The following GRTP1 variants were observed in gnomAD, a reference collection of about 807,000 sequenced individuals.
The protein encoded by GRTP1 is growth hormone-regulated TBC protein 1.
Under a neutral mutation model 38.1 loss-of-function variants are expected in GRTP1, and 56 were observed. The observed-to-expected ratio is 1.47, with a 90% CI of 1.19 to 1.84. GRTP1 has a LOEUF of 1.84. Ranked by LOEUF, GRTP1 falls within the 40% of genes most tolerant of loss-of-function variation. The pLI is 0.00. For synonymous variants in GRTP1, 217 were observed against 189.5 expected (o/e 1.14, Z -1.19); for missense variants, 506 against 453.9 (o/e 1.11, Z -1.04).
chr13:113,339,766 T>TCTTGG (rs1460427793), intron 5 of GRTP1: 2 of 152,370 alleles, frequency 1.3e-5, no homozygotes, highest in East Asian at 3.9e-4. Context: ...TTTCAAGCCT[T>TCTTGG]CTTGGCTTGG....
chr13:113,329,590 TAAAAAATAAA>T (rs934362900), intron 5 of GRTP1, among the ~76,000 whole-genome samples: 8 of 151,622 alleles, frequency 5.3e-5, no homozygotes, highest in Admixed American at 4.6e-4. Flanking sequence ...TCTCAAAAAA[TAAAAAATAAA>T]AATAAAAATA....
intron 5 of GRTP1, among the ~76,000 whole-genome samples, chr13:113,337,582 TC>T (rs1488189880): frequency 8.5e-5 from 13 of 152,358 alleles, no homozygotes; most frequent in Middle Eastern, 3.4e-3. Context: ...CAGCGTGCTT[TC>T]TGCGCAACCC....
At chr13:113,331,622 C>T (rs1291229616) in intron 5 of GRTP1, among the ~76,000 whole-genome samples, 1 of 149,266 alleles carries the variant, frequency 6.7e-6, no homozygotes, top group Non-Finnish European at 1.5e-5. Flanking sequence ...AAGGAAGCTG[C>T]AAGGCTGGTT....
intron 2 of GRTP1, chr13:113,360,360 C>T (rs1179828304): frequency 1.3e-5 from 2 of 152,164 alleles, no homozygotes; most frequent in Non-Finnish European, 2.9e-5. Flanking sequence ...ATAACTGTCC[C>T]TTAAGACATG....
chr13:113,331,995 G>A (rs960592998), intron 5 of GRTP1, among the ~76,000 whole-genome samples: 1 of 151,494 alleles, frequency 6.6e-6, no homozygotes, highest in South Asian at 2.1e-4. Context: ...TGGGCCGGGT[G>A]CCATGTCTTA....
rs374961884 is a variant in GRTP1, at chr13:113,346,359, G to C, written c.466-1400C>G. 5.4e-4 allele frequency among the ~76,000 whole-genome samples: 8 copies of C among 14,758 alleles called. 1 individual carries two copies. The highest frequency in any genetic ancestry group is 2.1e-3 in the African/African-American group (7 of 3,262). 9.7% of individuals were successfully genotyped at this position (14,758 alleles called of 152,430 possible). ...CTGTGGCCGAGAGCGGACCCAGGAG[G>C]ACCTCTGTGGCTGAGAGCGGACCTG... On this transcript the variant is annotated intron_variant, in intron 4 of 7. Coordinates refer to ENST00000375431, the MANE Select transcript of GRTP1 (RefSeq NM_024719.4).
At position 113,331,152 on chromosome 13, in the gene GRTP1, G is replaced by T. The variant is rs367857611; in HGVS notation, c.563-5061C>A. ...AGCCTAGGTGTGTGCATGGGAACCC[G>T]GGTGTGTGCATGGAAACCGGTCGCA... On this transcript the variant is annotated intron_variant, in intron 5 of 7. Transcript: ENST00000375431. 2.6e-5 allele frequency among the ~76,000 whole-genome samples: 4 copies of T among 151,208 alleles called. No individual in the cohort carries two copies. The South Asian group carries it at 8.4e-4, about 32-fold the overall frequency.
chr13:113,351,930 C>G (rs962250082), intron 3 of GRTP1: 1 of 152,194 alleles, frequency 6.6e-6, no homozygotes, highest in Non-Finnish European at 1.5e-5. Context: ...TCTGGAGGAA[C>G]CCAACCGCCT....
chr13:113,324,663 C>G, intron 7 of GRTP1, 86 bp from the exon 8 acceptor site: 5 of 1,514,316 alleles, frequency 3.3e-6, no homozygotes, highest in Non-Finnish European at 4.4e-6. Flanking sequence ...GGCAGACAGG[C>G]CTCGTGTGAG....
At chr13:113,330,328 A>G (rs1382405761) in intron 5 of GRTP1, among the ~76,000 whole-genome samples, 1 of 107,366 alleles carries the variant, frequency 9.3e-6, no homozygotes, top group Non-Finnish European at 1.8e-5. Flanking sequence ...GCGTGGATGG[A>G]AACCCAGGTG....
At chr13:113,326,825 G>A (rs2042781919) in intron 5 of GRTP1, among the ~76,000 whole-genome samples, 1 of 152,176 alleles carries the variant, frequency 6.6e-6, no homozygotes, top group African/African-American at 2.4e-5. Context: ...ACATGTGAAT[G>A]TCCACACGAC....
At chr13:113,350,159 G>C (rs982554520) in intron 4 of GRTP1, among the ~76,000 whole-genome samples, 2 of 152,114 alleles carry the variant, frequency 1.3e-5, no homozygotes, top group East Asian at 3.9e-4. Flanking sequence ...ACCAGCGACA[G>C]GCCCAGGCAG....
chr13:113,333,557 A>T (rs1188877255), intron 5 of GRTP1, among the ~76,000 whole-genome samples: 1 of 151,760 alleles, frequency 6.6e-6, no homozygotes, highest in Non-Finnish European at 1.5e-5. Flanking sequence ...CAGGCTGGAG[A>T]GCAGTGGCGT....
chr13:113,341,676 C>T (rs1474652093), intron 5 of GRTP1, among the ~76,000 whole-genome samples: 1 of 152,172 alleles, frequency 6.6e-6, no homozygotes, highest in East Asian at 1.9e-4. Context: ...GTTTCTGTCG[C>T]TAATTTTCAG....
chr13:113,326,535 G>A (rs1336261804), intron 5 of GRTP1, among the ~76,000 whole-genome samples: 2 of 152,128 alleles, frequency 1.3e-5, no homozygotes, highest in African/African-American at 2.4e-5. Flanking sequence ...GCCAGGTGTG[G>A]TGGTGGGCAC....
chr13:113,344,567 G>C (rs1314724158), intron 5 of GRTP1, among the ~76,000 whole-genome samples: 1 of 151,948 alleles, frequency 6.6e-6, no homozygotes. Context: ...TACAAAATTA[G>C]CCGGGTGTGG....
At chr13:113,333,838 AGTGTGTG>A (rs1346192966) in intron 5 of GRTP1, among the ~76,000 whole-genome samples, 898 of 23,450 alleles carry the variant, frequency 0.038, 7 homozygotes, top group Non-Finnish European at 0.13. Flanking sequence ...TTATTTATTT[AGTGTGTG>A]TGTGTGTGTG....
At chr13:113,347,652 G>GAA (rs766145011) in intron 4 of GRTP1, among the ~76,000 whole-genome samples, 9 of 58,036 alleles carry the variant, frequency 1.6e-4, no homozygotes, top group African/African-American at 3.8e-4. Flanking sequence ...CTGTGGCTGA[G>GAA]CAGATCTGGG....
intron 4 of GRTP1, among the ~76,000 whole-genome samples, chr13:113,350,345 G>A (rs1406836765): frequency 6.6e-6 from 1 of 152,098 alleles, no homozygotes; most frequent in Non-Finnish European, 1.5e-5. Context: ...GCCAGGGGAT[G>A]ACAGTGTAGA....
Sources: allele counts gnomAD v4.1 joint callset (sites outside exome capture counted in the v4.1 genomes callset), GRCh38; gene constraint gnomAD v4.1.1; transcripts MANE v1.5; gene names NCBI Gene and HGNC (gene_info 2026-07-23, HGNC 2026-07-21).